The following GALNTL6 variants were observed in gnomAD, a reference collection of about 807,000 sequenced individuals.
GALNTL6 encodes the protein polypeptide N-acetylgalactosaminyltransferase like 6.
GALNTL6 carries 46 observed loss-of-function variants against 73.7 expected under a neutral mutation model. The ratio of observed to expected loss-of-function variants is 0.62; its 90% CI spans 0.49 to 0.80. The LOEUF is 0.80. Ranked by LOEUF, GALNTL6 falls within the 30% of genes least tolerant of loss-of-function variation. The pLI is 0.00. For synonymous variants in GALNTL6, 259 were observed against 263.7 expected (o/e 0.98, Z 0.17); for missense variants, 604 against 755.0 (o/e 0.80, Z 2.34).
At chr4:172,607,854 G>C (rs1738365722) in intron 5 of GALNTL6, among the ~76,000 whole-genome samples, 1 of 152,004 alleles carries the variant, frequency 6.6e-6, no homozygotes, top group East Asian at 1.9e-4. Flanking sequence ...TAGTGATGTT[G>C]AGCATTTTTT....
At chr4:172,942,921 T>C (rs1292086914) in intron 9 of GALNTL6, among the ~76,000 whole-genome samples, 1 of 152,128 alleles carries the variant, frequency 6.6e-6, no homozygotes, top group Non-Finnish European at 1.5e-5. Flanking sequence ...TTCTGTGGTC[T>C]CTCTTCAACG....
intron 2 of GALNTL6, among the ~76,000 whole-genome samples, chr4:172,173,404 C>T (rs1157790522): frequency 6.6e-6 from 1 of 152,202 alleles, no homozygotes; most frequent in Non-Finnish European, 1.5e-5. Context: ...GCTGTGGATT[C>T]CTCTGGGAAA....
chr4:172,309,455 T>C (rs1740273093), intron 3 of GALNTL6, among the ~76,000 whole-genome samples: 1 of 152,042 alleles, frequency 6.6e-6, no homozygotes, highest in South Asian at 2.1e-4. Context: ...AAGACCTTGT[T>C]TTAAAGGGTA....
rs555023858 is a variant in GALNTL6, at chr4:172,876,993, G to A, written c.924-5797G>A. Among the ~76,000 whole-genome samples the A allele has an allele frequency of 1.9e-3, 293 of 152,220 alleles. 1 individual carries two copies. Among genetic ancestry groups the A allele is most frequent in the African/African-American group, 6.4e-3 (265 of 41,538 alleles). ...ACTGAGTCCTGGGGGAAACTGTGCCGTTTCATTGCTGATCAAATTCACATT... is the reference window on the plus strand; with the variant it reads ...ACTGAGTCCTGGGGGAAACTGTGCCATTTCATTGCTGATCAAATTCACATT... On this transcript the variant is annotated intron_variant, in intron 7 of 12. Transcript: ENST00000506823.
chr4:172,621,652 A>T (rs149038591), intron 5 of GALNTL6, among the ~76,000 whole-genome samples: 13 of 152,308 alleles, frequency 8.5e-5, no homozygotes, highest in African/African-American at 2.6e-4. Context: ...TATGTGAAAC[A>T]TGATATACTT....
At chr4:172,501,407 T>G (rs548574188) in intron 5 of GALNTL6, among the ~76,000 whole-genome samples, 3 of 152,282 alleles carry the variant, frequency 2.0e-5, no homozygotes, top group African/African-American at 7.2e-5. Context: ...CTAGACTTAT[T>G]GTGGATATGT....
At chr4:172,421,795 G>C (rs1008437295) in intron 5 of GALNTL6, among the ~76,000 whole-genome samples, 1 of 152,048 alleles carries the variant, frequency 6.6e-6, no homozygotes, top group South Asian at 2.1e-4. Flanking sequence ...TAACAGGAGA[G>C]AGCTATATTG....
At chr4:171,956,995 T>C (rs1396042245) in intron 2 of GALNTL6, among the ~76,000 whole-genome samples, 2 of 152,192 alleles carry the variant, frequency 1.3e-5, no homozygotes. Flanking sequence ...GGTCTTCAAA[T>C]ACAGTGGGCA....
rs1384116759 is a variant in GALNTL6 at position 172,113,034 on chromosome 4, GTTCT to G, written c.139-116619_139-116616del. ...ACAGAATAGGACAGTGCATTTTTGAGTTCTTTATTTTGATACACATTTCACCGAG... is the reference window on the plus strand; with the variant it reads ...ACAGAATAGGACAGTGCATTTTTGAGTTATTTTGATACACATTTCACCGAG... On this transcript the variant is annotated intron_variant, in intron 2 of 12. Coordinates refer to ENST00000506823, the MANE Select transcript of GALNTL6 (RefSeq NM_001034845.3). Among the ~76,000 whole-genome samples the G allele has an allele frequency of 3.9e-5, 6 of 151,942 alleles. No individual in the cohort carries two copies. In the East Asian group the frequency reaches 9.7e-4, roughly 24 times the overall value.
chr4:171,840,510 AC>A (rs1735210390), intron 2 of GALNTL6, among the ~76,000 whole-genome samples: 1 of 152,064 alleles, frequency 6.6e-6, no homozygotes, highest in Non-Finnish European at 1.5e-5. Context: ...AAGCTTCCTC[AC>A]CCGTGATGGC....
chr4:172,977,247 A>C (rs982835259), intron 10 of GALNTL6, among the ~76,000 whole-genome samples: 1 of 152,234 alleles, frequency 6.6e-6, no homozygotes, highest in Non-Finnish European at 1.5e-5. Flanking sequence ...GAAGCATCAT[A>C]CCTTCAGCTC....
intron 5 of GALNTL6, among the ~76,000 whole-genome samples, chr4:172,748,278 A>G (rs930716246): frequency 2.0e-5 from 3 of 152,100 alleles, no homozygotes; most frequent in Admixed American, 2.0e-4. Flanking sequence ...GCAGGAGGCC[A>G]TTCCATCGCA....
intron 2 of GALNTL6, among the ~76,000 whole-genome samples, chr4:172,094,335 T>C (rs1732290370): frequency 6.6e-6 from 1 of 152,196 alleles, no homozygotes; most frequent in Non-Finnish European, 1.5e-5. Flanking sequence ...TTTTTTTAAA[T>C]AATAGAAATT....
At chr4:172,056,910 A>T (rs1465924770) in intron 2 of GALNTL6, among the ~76,000 whole-genome samples, 3 of 152,224 alleles carry the variant, frequency 2.0e-5, no homozygotes, top group East Asian at 3.9e-4. Context: ...GTTTTATTTT[A>T]AAAACATTAC....
intron 2 of GALNTL6, among the ~76,000 whole-genome samples, chr4:171,887,421 C>A (rs1370367130): frequency 6.6e-6 from 1 of 152,124 alleles, no homozygotes; most frequent in African/African-American, 2.4e-5. Context: ...CTACAAAGAT[C>A]ACCTTGGAAG....
intron 7 of GALNTL6, among the ~76,000 whole-genome samples, chr4:172,876,351 C>T (rs1008755077): frequency 7.9e-5 from 12 of 152,158 alleles, no homozygotes; most frequent in African/African-American, 2.9e-4. Flanking sequence ...CATAATTCTG[C>T]CACCTGCTTT....
intron 5 of GALNTL6, among the ~76,000 whole-genome samples, chr4:172,745,017 G>A (rs945167878): frequency 6.6e-6 from 1 of 151,888 alleles, no homozygotes; most frequent in Non-Finnish European, 1.5e-5. Context: ...CAAAGATTAA[G>A]AGCATACTTG....
At chr4:172,177,231 A>G (rs1185124567) in intron 2 of GALNTL6, among the ~76,000 whole-genome samples, 1 of 152,180 alleles carries the variant, frequency 6.6e-6, no homozygotes, top group Non-Finnish European at 1.5e-5. Context: ...TGTTTTGGTA[A>G]TTCTTAAGCA....
intron 3 of GALNTL6, among the ~76,000 whole-genome samples, chr4:172,294,379 A>G (rs1264570753): frequency 6.6e-6 from 1 of 152,192 alleles, no homozygotes; most frequent in Non-Finnish European, 1.5e-5. Context: ...AAAAATGTTC[A>G]GTCCATGACA....
Sources: gnomAD v4.1 joint callset for allele counts (sites outside exome capture counted in the v4.1 genomes callset) on GRCh38, gnomAD v4.1.1 for gene constraint, MANE v1.5 for transcripts, NCBI Gene and HGNC (gene_info 2026-07-23, HGNC 2026-07-21) for gene names.